Variants in SECTM1 observed in about 807,000 individuals in gnomAD.
SECTM1 encodes secreted and transmembrane 1.
SECTM1 carries 10 observed loss-of-function variants against 18.1 expected under a neutral mutation model. The ratio of observed to expected loss-of-function variants is 0.55; its 90% CI spans 0.34 to 0.94. The LOEUF (loss-of-function observed/expected upper bound fraction) is 0.94. Ranked by LOEUF, SECTM1 falls within the 40% of genes least tolerant of loss-of-function variation. SECTM1 has a pLI of 0.02. For missense variants in SECTM1, 297 were observed against 322.6 expected (o/e 0.92, Z 0.61); for synonymous variants, 137 against 139.2 (o/e 0.98, Z 0.11).
In SECTM1 at chr17:82,329,633, C is replaced by A. The variant is rs546962263; in HGVS notation, c.-52-2341G>T. 6.6e-6 allele frequency among the ~76,000 whole-genome samples: 1 copy of A among 152,054 alleles called. No homozygotes were observed. Among genetic ancestry groups the A allele is most frequent in the African/African-American group, 2.4e-5 (1 of 41,396 alleles). On this transcript the variant is annotated intron_variant, in intron 1 of 4. Coordinates refer to ENST00000269389, the MANE Select transcript of SECTM1 (RefSeq NM_003004.3). The surrounding 1 kb of genome is among the most constrained non-coding windows in gnomAD (Gnocchi z 7.6). ...TCGGGCCCCATCTCCCATCATACGT[C>A]CAGCATTCTAGATTAGCTGGAAGTC...
chr17:82,322,761 TC>T (rs914477219), intron 4 of SECTM1, 116 bp downstream of exon 4: 23 of 1,287,752 alleles, frequency 1.8e-5, no homozygotes, highest in African/African-American at 3.0e-5. Flanking sequence ...GGACCGGTGC[TC>T]CCCCCACCCT....
rs1599654656 is a variant in SECTM1 at position 82,327,061 on chromosome 17, C to A, written c.94+86G>T. On this transcript the variant is annotated intron_variant, in intron 2 of 4. Coordinates refer to ENST00000269389, the MANE Select transcript of SECTM1 (RefSeq NM_003004.3). ...ATCGGGGGTCTGGTGGCACCTGGAC[C>A]CAACCTCAGTCCACCCCTCCTGCCC... The A allele has an allele frequency of 2.4e-5, 25 of 1,061,410 alleles. No individual in the cohort carries two copies. In the East Asian group the frequency reaches 5.7e-4, roughly 24 times the overall value. 65.7% of individuals were successfully genotyped at this position (1,061,410 alleles called of 1,614,324 possible). A position where few individuals can be genotyped will look rare whatever the true frequency, so the allele number is the denominator to read the frequency against.
intron 3 of SECTM1, chr17:82,323,415 T>C: frequency 5.4e-6 from 1 of 183,708 alleles, no homozygotes; most frequent in Non-Finnish European, 1.1e-5. Context: ...CAGGAAGGGC[T>C]CACCAGATGC....
At chr17:82,332,898 C>A (rs975326698) in intron 1 of SECTM1, among the ~76,000 whole-genome samples, 6 of 152,240 alleles carry the variant, frequency 3.9e-5, no homozygotes, top group African/African-American at 1.4e-4. Flanking sequence ...TGCAGCCGGT[C>A]GCCCTGGGCC....
At position 82,322,738 on chromosome 17, in the gene SECTM1, G is replaced by A. The variant is rs1017805579; in HGVS notation, c.537+140C>T. 7 of 1,095,430 alleles carry A rather than the reference G, an allele frequency of 6.4e-6. No homozygotes were observed. In the Admixed American group the frequency reaches 1.8e-4, roughly 29 times the overall value. 67.9% of individuals were successfully genotyped at this position (1,095,430 alleles called of 1,614,324 possible). A position where few individuals can be genotyped will look rare whatever the true frequency, so the allele number is the denominator to read the frequency against. On this transcript the variant is annotated intron_variant, in intron 4 of 4. Coordinates refer to ENST00000269389, the MANE Select transcript of SECTM1 (RefSeq NM_003004.3). ...CATAGCCGGCTGGGCCCCTGGCGGG[G>A]ACTGGCTCTCTGGGACCGGTGCTCC...
Position 82,322,157 on chromosome 17 carries a change from G to T in SECTM1, c.*4C>A, listed in dbSNP as rs2052097950. On this transcript the variant is annotated 3_prime_UTR_variant, in exon 5 of 5. Coordinates refer to ENST00000269389, the MANE Select transcript of SECTM1 (RefSeq NM_003004.3). Reference sequence around the variant, plus strand: ...CTCCTGTGTCCTCTCTGCCTTGCAGGCGGCTATGGGTCTGCGGCATATGGA... The same window carrying T: ...CTCCTGTGTCCTCTCTGCCTTGCAGTCGGCTATGGGTCTGCGGCATATGGA... The T allele has an allele frequency of 3.1e-6, 5 of 1,613,696 alleles. No homozygotes were observed. The highest frequency in any genetic ancestry group is 4.2e-6 in the Non-Finnish European group (5 of 1,179,756).
intron 4 of SECTM1, 108 bp from the exon 5 acceptor site, chr17:82,322,478 C>G: frequency 2.8e-6 from 3 of 1,081,528 alleles, no homozygotes; most frequent in Admixed American, 2.0e-5. Flanking sequence ...CATGCACACC[C>G]CCACCCCCAG....
In SECTM1 at chr17:82,329,751, G is replaced by A. The variant is rs931367016; in HGVS notation, c.-52-2459C>T. 5.9e-5 allele frequency among the ~76,000 whole-genome samples: 9 copies of A among 152,052 alleles called. No homozygotes were observed. In the South Asian group the frequency reaches 6.2e-4, roughly 10 times the overall value. On this transcript the variant is annotated intron_variant, in intron 1 of 4. Coordinates refer to ENST00000269389, the MANE Select transcript of SECTM1 (RefSeq NM_003004.3). This position sits in a 1 kb window ranked among gnomAD's most constrained non-coding sequence, Gnocchi z 7.6. ...GAATCTGTCCCTCTCCGTCTCCAGC[G>A]TCCAGAGGCATCCGCATCCCTCGGC...
rs2052163094 is a variant in SECTM1 at position 82,328,097 on chromosome 17, T to G, written c.-52-805A>C. Reference sequence around the variant, plus strand: ...TCCTTTCGAATCCATCGTTTACACCTCTGTGTGTTCCTAATGCGCAAGTCA... The same window carrying G: ...TCCTTTCGAATCCATCGTTTACACCGCTGTGTGTTCCTAATGCGCAAGTCA... On this transcript the variant is annotated intron_variant, in intron 1 of 4. Transcript: ENST00000269389. The surrounding 1 kb of genome is among the most constrained non-coding windows in gnomAD (Gnocchi z 5.8). 1 of 147,616 alleles carries G rather than the reference T, an allele frequency of 6.8e-6. No homozygotes were observed. 9.1% of individuals were successfully genotyped at this position (147,616 alleles called of 1,614,324 possible). A position where few individuals can be genotyped will look rare whatever the true frequency, so the allele number is the denominator to read the frequency against.
rs1451851547 is a variant in SECTM1 at position 82,328,199 on chromosome 17, TGTCTC to T, written c.-52-912_-52-908del. ...GCAGGCGAGCCTCCTTGTGCCATCT[TGTCTC>T]AGGCCTGCAAACACTAGGGGCCCCC... On this transcript the variant is annotated intron_variant, in intron 1 of 4. Transcript: ENST00000269389. The surrounding 1 kb of genome is among the most constrained non-coding windows in gnomAD (Gnocchi z 5.8). 1 of 152,204 alleles carries T rather than the reference TGTCTC, an allele frequency of 6.6e-6. No homozygotes were observed. Among genetic ancestry groups the T allele is most frequent in the East Asian group, 1.9e-4 (1 of 5,190 alleles). The allele number at this position is 152,204 out of a possible 1,614,324, so 9.4% of individuals were successfully genotyped here. A position where few individuals can be genotyped will look rare whatever the true frequency, so the allele number is the denominator to read the frequency against.
Position 82,325,039 on chromosome 17 carries a change from CAT to C in SECTM1, c.95-151_95-150del. ...ATACATCCACCCGACCCAATCAGCACATATATCTCGTGTGGGAAGAATAAAAT... is the reference window on the plus strand; with the variant it reads ...ATACATCCACCCGACCCAATCAGCACATATCTCGTGTGGGAAGAATAAAAT... On this transcript the variant is annotated intron_variant, in intron 2 of 4. Coordinates refer to ENST00000269389, the MANE Select transcript of SECTM1 (RefSeq NM_003004.3). The surrounding 1 kb of genome is among the most constrained non-coding windows in gnomAD (Gnocchi z 7.6). 1 of 689,950 alleles carries C rather than the reference CAT, an allele frequency of 1.4e-6. No individual in the cohort carries two copies. The allele number at this position is 689,950 out of a possible 1,614,324, so 42.7% of individuals were successfully genotyped here.
At chr17:82,327,755 C>T (rs2052158940) in intron 1 of SECTM1, among the ~76,000 whole-genome samples, 1 of 152,118 alleles carries the variant, frequency 6.6e-6, no homozygotes, top group African/African-American at 2.4e-5. Flanking sequence ...TGTTTGATAT[C>T]ACTGCACACC....
At position 82,327,167 on chromosome 17, in the gene SECTM1, G is replaced by A. The variant is rs2052153649; in HGVS notation, c.74C>T (p.Ser25Phe). Residue 25 changes from serine (S) to phenylalanine (F), a missense_variant, in exon 2 of 5, where the codon TCC becomes TTC. Transcript: ENST00000269389. ...ALGTLLFLAA[S>F]LSAQNEGWDS... ...CCTACCTTCATTCTGAGCACTCAAGGAGGCAGCCAAAAACAGGAGGGTCCC... is the reference window on the plus strand; with the variant it reads ...CCTACCTTCATTCTGAGCACTCAAGAAGGCAGCCAAAAACAGGAGGGTCCC... 1.2e-6 allele frequency: 2 copies of A among 1,612,000 alleles called. No homozygotes were observed. The highest frequency in any genetic ancestry group is 1.7e-6 in the Non-Finnish European group (2 of 1,178,990).
intron 1 of SECTM1, among the ~76,000 whole-genome samples, 173 bp downstream of exon 1, chr17:82,333,527 T>G (rs2052209511): frequency 9.3e-6 from 1 of 107,104 alleles, no homozygotes; most frequent in Non-Finnish European, 2.2e-5. Flanking sequence ...TCCCCATCCC[T>G]GCGCGGACCG....
chr17:82,325,026 G>T lies in SECTM1; in HGVS notation c.95-136C>A. ...CAGTGAACTATGTATACATCCACCC[G>T]ACCCAATCAGCACATATATCTCGTG... On this transcript the variant is annotated intron_variant, in intron 2 of 4. Coordinates refer to ENST00000269389, the MANE Select transcript of SECTM1 (RefSeq NM_003004.3). This position sits in a 1 kb window ranked among gnomAD's most constrained non-coding sequence, Gnocchi z 7.6. 1.4e-6 allele frequency: 1 copy of T among 733,530 alleles called. No homozygotes were observed. Among genetic ancestry groups the T allele is most frequent in the Non-Finnish European group, 2.2e-6 (1 of 456,410 alleles). The allele number at this position is 733,530 out of a possible 1,614,324, so 45.4% of individuals were successfully genotyped here.
Position 82,322,927 on chromosome 17 carries a change from A to C in SECTM1, c.488T>G (p.Leu163Arg). ...GCACCTGTACCAGGCGAACATGACC[A>C]GAGCGACCAAGAGGATGAAGACAGC... ...VTAVFILLVALVMFAWYRCRC... is the reference protein window; with the variant it reads ...VTAVFILLVARVMFAWYRCRC... The change falls in exon 4 of 5, where the codon CTG becomes CGG. Residue 163 changes from leucine (L) to arginine (R), a missense_variant. Physicochemically the swap from Leu to Arg is moderately radical, Grantham distance 102. Transcript: ENST00000269389. 1 of 1,613,886 alleles carries C rather than the reference A, an allele frequency of 6.2e-7. No individual in the cohort carries two copies. Among genetic ancestry groups the C allele is most frequent in the Non-Finnish European group, 8.5e-7 (1 of 1,179,972 alleles).
chr17:82,324,532 C>CCCGG, intron 3 of SECTM1, 50 bp downstream of exon 3: 5 of 1,079,966 alleles, frequency 4.6e-6, no homozygotes, highest in Non-Finnish European at 6.6e-6. Flanking sequence ...CTCCCCTCCC[C>CCCGG]GTGTCCCCTC....
In SECTM1 at chr17:82,330,335, A is replaced by G. The variant is rs2052181769; in HGVS notation, c.-52-3043T>C. On this transcript the variant is annotated intron_variant, in intron 1 of 4. Transcript: ENST00000269389. This position sits in a 1 kb window ranked among gnomAD's most constrained non-coding sequence, Gnocchi z 6.1. ...GAGGCCATCTGAGTCTGTTTCACAA[A>G]TGCTTCCAGGGACTGCCCCTGCCAT... is the stretch of plus-strand genomic sequence containing the variant. Among the ~76,000 whole-genome samples, 1 of 152,048 alleles carries G rather than the reference A, an allele frequency of 6.6e-6. No homozygotes were observed. Among genetic ancestry groups the G allele is most frequent in the Non-Finnish European group, 1.5e-5 (1 of 67,982 alleles).
At position 82,326,941 on chromosome 17, in the gene SECTM1, CACCCTCCACCCACG is replaced by C. The variant is rs2052150844; in HGVS notation, c.94+192_94+205del. ...CGGCGGGACACGGCCCACTCACCAC[CACCCTCCACCCACG>C]GCGGGACACGGTCCACTCACCGCCA... On this transcript the variant is annotated intron_variant, in intron 2 of 4. Transcript: ENST00000269389. The surrounding 1 kb of genome is among the most constrained non-coding windows in gnomAD (Gnocchi z 4.3). 6.6e-6 allele frequency among the ~76,000 whole-genome samples: 1 copy of C among 151,894 alleles called. No individual in the cohort carries two copies. Among genetic ancestry groups the C allele is most frequent in the African/African-American group, 2.4e-5 (1 of 41,340 alleles).
Sources: gnomAD v4.1 joint callset for allele counts (sites outside exome capture counted in the v4.1 genomes callset) on GRCh38, gnomAD v4.1.1 for gene constraint, Gnocchi (gnomAD v3.1) non-coding constraint, MANE v1.5 for transcripts, NCBI Gene and HGNC (gene_info 2026-07-23, HGNC 2026-07-21) for gene names.